The following VPS8 variants were observed in gnomAD, a reference collection of about 807,000 sequenced individuals.
VPS8 encodes VPS8 subunit of CORVET complex, also known as vacuolar protein sorting-associated protein 8 homolog.
Under a neutral mutation model 216.4 loss-of-function variants are expected in VPS8, and 129 were observed. The observed-to-expected ratio is 0.60, with a 90% CI of 0.52 to 0.69. VPS8 has a LOEUF of 0.69. VPS8 is among the 30% of genes least tolerant of loss of function. VPS8 has a pLI of 0.00. For missense variants in VPS8, 1,531 were observed against 1,683.5 expected (o/e 0.91, Z 1.59); for synonymous variants, 571 against 565.4 (o/e 1.01, Z -0.14).
At chr3:184,871,242 G>A (rs894192220) in intron 21 of VPS8, among the ~76,000 whole-genome samples, 1 of 151,584 alleles carries the variant, frequency 6.6e-6, no homozygotes, top group African/African-American at 2.4e-5. Flanking sequence ...TATAAAATAT[G>A]CTAATGAAAG....
At chr3:184,929,436 T>C (rs1261000207) in intron 32 of VPS8, 144 bp from the exon 33 acceptor site, 1 of 584,490 alleles carries the variant, frequency 1.7e-6, no homozygotes, top group African/African-American at 2.0e-5. Context: ...GCAGTCCTCT[T>C]GCCTCAGCCT....
At chr3:184,858,623 A>C (rs1180874072) in intron 14 of VPS8, among the ~76,000 whole-genome samples, 1 of 152,214 alleles carries the variant, frequency 6.6e-6, no homozygotes, top group Non-Finnish European at 1.5e-5. Context: ...AATGAGCAGG[A>C]ACATGGTTGT....
At chr3:184,868,772 T>C (rs959638646) in intron 18 of VPS8, among the ~76,000 whole-genome samples, 174 bp from the exon 19 acceptor site, 1 of 152,254 alleles carries the variant, frequency 6.6e-6, no homozygotes, top group Admixed American at 6.5e-5. Flanking sequence ...ATAGTCATTA[T>C]ACTATCTAGT....
intron 22 of VPS8, among the ~76,000 whole-genome samples, chr3:184,892,513 G>A (rs35925999): frequency 0.51 from 76,825 of 152,000 alleles, 21,307 homozygotes; most frequent in Middle Eastern, 0.69. Flanking sequence ...CACTGCACCC[G>A]GCCTAGCCTG....
At chr3:185,008,361 C>G (rs1444903639) in intron 45 of VPS8, among the ~76,000 whole-genome samples, 1 of 152,138 alleles carries the variant, frequency 6.6e-6, no homozygotes, top group African/African-American at 2.4e-5. Flanking sequence ...GAGCCAAACA[C>G]TATTCTTGGT....
At chr3:184,935,410 GA>G (rs1218351151) in intron 34 of VPS8, among the ~76,000 whole-genome samples, 1 of 152,134 alleles carries the variant, frequency 6.6e-6, no homozygotes, top group Non-Finnish European at 1.5e-5. Flanking sequence ...TAATTATTAT[GA>G]ATCTACAAGT....
chr3:184,961,894 G>C (rs1276818375), intron 37 of VPS8, among the ~76,000 whole-genome samples: 1 of 151,970 alleles, frequency 6.6e-6, no homozygotes, highest in Non-Finnish European at 1.5e-5. Context: ...AGCCTCCCAA[G>C]TTGCTGAAAT....
At chr3:184,818,106 A>G (rs1374151087) in intron 1 of VPS8, among the ~76,000 whole-genome samples, 1 of 151,824 alleles carries the variant, frequency 6.6e-6, no homozygotes, top group East Asian at 1.9e-4. Context: ...CTATTCATGA[A>G]GGACTCTTAG....
intron 29 of VPS8, among the ~76,000 whole-genome samples, chr3:184,922,066 A>G (rs1295240883): frequency 6.6e-6 from 1 of 152,078 alleles, no homozygotes; most frequent in Non-Finnish European, 1.5e-5. Context: ...CCTCAACCAT[A>G]TTAAATTATT....
intron 40 of VPS8, 100 bp from the exon 41 acceptor site, chr3:184,982,466 T>G: frequency 1.2e-6 from 1 of 803,276 alleles, no homozygotes; most frequent in Non-Finnish European, 2.0e-6. Context: ...AGAAGTACGT[T>G]TCAACCTGTA....
chr3:184,992,512 T>C, intron 42 of VPS8, among the ~76,000 whole-genome samples: 1 of 152,082 alleles, frequency 6.6e-6, no homozygotes, highest in Non-Finnish European at 1.5e-5. Context: ...GTTTTGTGAC[T>C]TAGAGAAGTT....
rs771160174 is a variant in VPS8 at position 184,826,157 on chromosome 3, A to C, written c.154-6A>C. 2.4e-5 allele frequency: 39 copies of C among 1,600,188 alleles called. No homozygotes were observed. The highest frequency in any genetic ancestry group is 6.8e-5 in the Admixed American group (4 of 58,542). The stretch of plus-strand genomic sequence containing the variant: ...TTTGTGAGCACTATTTTTTTTCTTT[A>C]TTTAGATTGATGACAAGGAGTTTGA... On this transcript the variant is annotated splice_polypyrimidine_tract_variant and splice_region_variant and intron_variant, in intron 2 of 47. Transcript: ENST00000625842.
At chr3:184,829,328 C>T (rs1719492166) in intron 3 of VPS8, among the ~76,000 whole-genome samples, 1 of 152,186 alleles carries the variant, frequency 6.6e-6, no homozygotes, top group African/African-American at 2.4e-5. Flanking sequence ...ATTCTCGTGC[C>T]TCAGCCTCCC....
At chr3:184,866,065 T>C (rs1727296052) in intron 16 of VPS8, among the ~76,000 whole-genome samples, 1 of 151,404 alleles carries the variant, frequency 6.6e-6, no homozygotes, top group Non-Finnish European at 1.5e-5. Flanking sequence ...TCCAAAAGAG[T>C]TGAAAACACA....
At chr3:184,916,608 C>A (rs1737641576) in intron 28 of VPS8, among the ~76,000 whole-genome samples, 1 of 151,952 alleles carries the variant, frequency 6.6e-6, no homozygotes, top group African/African-American at 2.4e-5. Context: ...GAAAATCTGA[C>A]ATCAGAAGTA....
intron 25 of VPS8, 71 bp from the exon 26 acceptor site, chr3:184,913,448 C>T: frequency 7.4e-7 from 1 of 1,347,414 alleles, no homozygotes; most frequent in Non-Finnish European, 1.0e-6. Context: ...TTTTTTGTTT[C>T]TACATAAAGA....
intron 12 of VPS8, 31 bp downstream of exon 12, chr3:184,854,041 C>T: frequency 6.2e-7 from 1 of 1,612,556 alleles, no homozygotes; most frequent in Admixed American, 1.7e-5. Context: ...AAACTCAGAA[C>T]TTTTAGAAGC....
intron 22 of VPS8, among the ~76,000 whole-genome samples, chr3:184,886,518 C>T: frequency 6.9e-6 from 1 of 144,630 alleles, no homozygotes; most frequent in Non-Finnish European, 1.5e-5. Flanking sequence ...TACACACACA[C>T]ATACACATAT....
At chr3:184,884,219 C>T (rs972915482) in intron 21 of VPS8, among the ~76,000 whole-genome samples, 5 of 152,124 alleles carry the variant, frequency 3.3e-5, no homozygotes, top group Non-Finnish European at 4.4e-5. Context: ...CTATCCCTCC[C>T]CCAGCCCCCG....
Sources: gnomAD v4.1 joint callset for allele counts (sites outside exome capture counted in the v4.1 genomes callset) on GRCh38, gnomAD v4.1.1 for gene constraint, MANE v1.5 for transcripts, NCBI Gene and HGNC (gene_info 2026-07-23, HGNC 2026-07-21) for gene names.